The following CTNNA2 variants were observed in gnomAD, a reference collection of about 807,000 sequenced individuals.
The protein encoded by CTNNA2 is catenin alpha 2.
CTNNA2 carries 42 observed loss-of-function variants against 101.0 expected under a neutral mutation model. The ratio of observed to expected loss-of-function variants is 0.42; its 90% confidence interval spans 0.32 to 0.54. The LOEUF (loss-of-function observed/expected upper bound fraction) is 0.54. Among genes scored for constraint, CTNNA2 ranks in the 20% least tolerant of loss-of-function variants. CTNNA2 has a pLI of 0.14. For synonymous variants in CTNNA2, 450 were observed against 456.4 expected, an observed-to-expected ratio of 0.99 and a Z score of 0.18; for missense variants, 871 against 1,223.1, an observed-to-expected ratio of 0.71 and a Z score of 4.29.
intron 9 of CTNNA2, among the ~76,000 whole-genome samples, chr2:80,494,863 T>C (rs573855605): frequency 6.6e-6 from 1 of 152,286 alleles, no homozygotes; most frequent in African/African-American, 2.4e-5. Context: ...ATGCAAAGAA[T>C]AAACAAATTC....
intron 4 of CTNNA2, among the ~76,000 whole-genome samples, chr2:79,460,853 TC>T (rs1253449625): frequency 6.6e-6 from 1 of 152,136 alleles, no homozygotes; most frequent in Non-Finnish European, 1.5e-5. Flanking sequence ...TTTTTCTTTT[TC>T]TTTTCGAGAC....
chr2:79,470,800 A>G lies in CTNNA2; in HGVS notation c.-134-34254A>G, dbSNP rs1321694400. On this transcript the variant is annotated intron_variant, in intron 4 of 21. Transcript: ENST00000466387. ...CTCATTGATGTGGAACACTGTTTGT[A>G]TAACTAACTTTGGTGCATACACGGA... Among the ~76,000 whole-genome samples, 5 of 152,200 alleles carry G rather than the reference A, an allele frequency of 3.3e-5. 1 individual carries two copies. Among genetic ancestry groups the G allele is most frequent in the African/African-American group, 9.6e-5 (4 of 41,454 alleles).
chr2:79,278,033 A>G (rs1413945654), intron 2 of CTNNA2, among the ~76,000 whole-genome samples: 1 of 152,162 alleles, frequency 6.6e-6, no homozygotes, highest in Admixed American at 6.6e-5. Flanking sequence ...CACCTTCTAC[A>G]GCATACTTAA....
chr2:80,306,069 G>A (rs955873425), intron 7 of CTNNA2, among the ~76,000 whole-genome samples: 2 of 152,202 alleles, frequency 1.3e-5, no homozygotes, highest in African/African-American at 4.8e-5. Flanking sequence ...GCCAACCAAT[G>A]GAATCAAAGT....
intron 7 of CTNNA2, among the ~76,000 whole-genome samples, chr2:80,304,907 CAAAAAA>C (rs56174873): frequency 6.0e-4 from 44 of 73,822 alleles, no homozygotes; most frequent in Admixed American, 1.1e-3. Context: ...GTCCATATTT[CAAAAAA>C]AAAAAAAAAA....
intron 7 of CTNNA2, among the ~76,000 whole-genome samples, chr2:79,947,114 A>G (rs184598715): frequency 3.9e-5 from 6 of 152,372 alleles, no homozygotes; most frequent in African/African-American, 1.4e-4. Flanking sequence ...TTTAAATCCT[A>G]CATAAGAAGA....
intron 7 of CTNNA2, among the ~76,000 whole-genome samples, chr2:80,306,385 TTTTCTTTTCTTTTCTTTTCTTTC>T (rs1426709655): frequency 4.5e-5 from 6 of 133,484 alleles, no homozygotes; most frequent in Non-Finnish European, 7.6e-5. Flanking sequence ...CTTTCTTTTC[TTTTCTTTTCTTTTCTTTTCTTTC>T]TTTCTTTCTT....
At chr2:79,914,943 G>A (rs529967210) in intron 7 of CTNNA2, among the ~76,000 whole-genome samples, 250 of 151,890 alleles carry the variant, frequency 1.6e-3, no homozygotes, top group Non-Finnish European at 2.6e-3. Context: ...TTGTTAGAGA[G>A]TAGAATTTAA....
Position 79,861,452 on chromosome 2 carries a change from G to A in CTNNA2, c.465+3273G>A, listed in dbSNP as rs114653319. ...ACTTGAGTAATCACAGGCAAATGTC[G>A]TTCAGCCTCTAAAAATGAGTAAAGG... On this transcript the variant is annotated intron_variant, in intron 4 of 18. Transcript: ENST00000402739. Among the ~76,000 whole-genome samples the A allele has an allele frequency of 4.2e-3, 634 of 152,284 alleles. 2 individuals are homozygous for A. Among genetic ancestry groups the A allele is most frequent in the Non-Finnish European group, 6.3e-3 (429 of 68,016 alleles).
intron 2 of CTNNA2, among the ~76,000 whole-genome samples, chr2:79,675,364 A>C (rs888945966): frequency 2.6e-5 from 4 of 152,200 alleles, no homozygotes; most frequent in African/African-American, 9.7e-5. Context: ...TAATAGACTT[A>C]GGATTCTGGT....
chr2:79,601,314 G>A (rs551840707), intron 1 of CTNNA2, among the ~76,000 whole-genome samples: 68 of 152,284 alleles, frequency 4.5e-4, no homozygotes, highest in African/African-American at 1.6e-3. Context: ...GTAAGGAAAT[G>A]GGAAAAGTAG....
chr2:80,351,454 C>T (rs1292210004), intron 7 of CTNNA2, among the ~76,000 whole-genome samples: 1 of 152,082 alleles, frequency 6.6e-6, no homozygotes, highest in Non-Finnish European at 1.5e-5. Context: ...TCACCATGGC[C>T]ACATTCCTGG....
At chr2:80,526,343 G>A (rs1290451851) in intron 9 of CTNNA2, among the ~76,000 whole-genome samples, 2 of 152,180 alleles carry the variant, frequency 1.3e-5, no homozygotes, top group African/African-American at 2.4e-5. Flanking sequence ...AGGATTACAG[G>A]CGTGCATCAC....
At chr2:79,687,741 A>C in intron 2 of CTNNA2, 1 of 477,998 alleles carries the variant, frequency 2.1e-6, no homozygotes, top group Non-Finnish European at 3.7e-6. Context: ...GGAAAAAATA[A>C]GATATCCCAA....
chr2:80,140,707 C>T (rs1220992546), intron 7 of CTNNA2, among the ~76,000 whole-genome samples: 11 of 152,184 alleles, frequency 7.2e-5, no homozygotes, highest in African/African-American at 2.7e-4. Context: ...ACACATCCAC[C>T]TCCCTTTTAA....
At chr2:80,343,093 A>G (rs1444308998) in intron 7 of CTNNA2, among the ~76,000 whole-genome samples, 2 of 152,188 alleles carry the variant, frequency 1.3e-5, no homozygotes, top group Non-Finnish European at 2.9e-5. Context: ...GGGTTAGGGC[A>G]TATCTAATGA....
At chr2:80,029,758 T>A (rs1695171163) in intron 7 of CTNNA2, among the ~76,000 whole-genome samples, 1 of 151,884 alleles carries the variant, frequency 6.6e-6, no homozygotes, top group Non-Finnish European at 1.5e-5. Context: ...GCCAAGTTTA[T>A]AAGTGCATCA....
At chr2:80,201,521 C>G (rs573225772) in intron 7 of CTNNA2, among the ~76,000 whole-genome samples, 33 of 151,758 alleles carry the variant, frequency 2.2e-4, no homozygotes, top group Admixed American at 4.6e-4. Flanking sequence ...CTACAGGCGC[C>G]TGCCACCATG....
chr2:79,220,320 G>A (rs541320522), intron 2 of CTNNA2, among the ~76,000 whole-genome samples: 19 of 152,252 alleles, frequency 1.2e-4, no homozygotes, highest in African/African-American at 4.3e-4. Context: ...ATGGTGGAAG[G>A]CAGATGAAGA....
Sources: allele counts gnomAD v4.1 joint callset (sites outside exome capture counted in the v4.1 genomes callset), GRCh38; gene constraint gnomAD v4.1.1; transcripts MANE v1.5; gene names NCBI Gene and HGNC (gene_info 2026-07-23, HGNC 2026-07-21).